Variants in C17orf78 observed in about 807,000 individuals in gnomAD.
The protein encoded by C17orf78 is chromosome 17 open reading frame 78.
A neutral mutation model predicts 31.8 loss-of-function variants in C17orf78; 27 were observed. The observed-to-expected ratio is 0.85, with a 90% CI of 0.63 to 1.17. The LOEUF (loss-of-function observed/expected upper bound fraction) is 1.17, where lower values mean the gene tolerates loss of function less well. C17orf78 is among the 50% of genes most tolerant of loss of function. C17orf78 has a pLI of 0.00. For missense variants in C17orf78, 258 were observed against 315.2 expected, an observed-to-expected ratio of 0.82 and a Z score of 1.37; for synonymous variants, 106 against 115.1, an observed-to-expected ratio of 0.92 and a Z score of 0.51.
At chr17:37,388,819 C>G (rs2050665567) in intron 5 of C17orf78, 25 bp downstream of exon 5, 4 of 1,611,268 alleles carry the variant, frequency 2.5e-6, no homozygotes, top group Middle Eastern at 1.7e-4. Context: ...GTATTGAATC[C>G]TTGAACTTGA....
chr17:37,381,893 C>A (rs897214054), intron 3 of C17orf78, among the ~76,000 whole-genome samples: 2 of 152,138 alleles, frequency 1.3e-5, no homozygotes, highest in East Asian at 3.9e-4. Context: ...TCCCAAAGTG[C>A]TGGGATTACA....
chr17:37,376,437 G>C (rs1195126739), intron 1 of C17orf78, among the ~76,000 whole-genome samples: 1 of 152,128 alleles, frequency 6.6e-6, no homozygotes, highest in African/African-American at 2.4e-5. Flanking sequence ...GCTTTCTTTA[G>C]AGTTTCAGTA....
intron 4 of C17orf78, among the ~76,000 whole-genome samples, chr17:37,386,452 C>A (rs1470465207): frequency 6.6e-6 from 1 of 151,986 alleles, no homozygotes; most frequent in African/African-American, 2.4e-5. Flanking sequence ...ATTAGCCGGA[C>A]GTGGTGGCAG....
intron 6 of C17orf78, among the ~76,000 whole-genome samples, chr17:37,389,722 T>A (rs186216882): frequency 6.7e-6 from 1 of 149,892 alleles, no homozygotes; most frequent in East Asian, 2.0e-4. Context: ...AAACAGAAAA[T>A]GGGGTTAATA....
In C17orf78 at chr17:37,379,153, CA is replaced by C; in HGVS notation, c.166del (p.Arg56GlyfsTer10). ...LQMQETHTETKRTTFIQNRTI... is the reference protein window; with the variant it reads ...LQMQETHTETXRTTFIQNRTI... The stretch of plus-strand genomic sequence containing the variant: ...TCCTTCCAGAAACTCACACAGAAAC[CA>C]AAAGGACAACATTCATTCAAAACCG... On this transcript the variant is annotated frameshift_variant, in exon 3 of 7. Transcript: ENST00000615133. LOFTEE classifies it high-confidence loss of function. 1.2e-6 allele frequency: 2 copies of C among 1,613,306 alleles called. No individual in the cohort carries two copies. The highest frequency in any genetic ancestry group is 1.7e-6 in the Non-Finnish European group (2 of 1,179,634).
chr17:37,380,890 C>T (rs1250982052), intron 3 of C17orf78, among the ~76,000 whole-genome samples: 1 of 150,044 alleles, frequency 6.7e-6, no homozygotes, highest in Non-Finnish European at 1.5e-5. Context: ...GCCACCGTGC[C>T]TGGCCAGGTT....
Position 37,385,626 on chromosome 17 carries a change from CTG to C in C17orf78, c.392-380_392-379del, listed in dbSNP as rs1307694009. Among the ~76,000 whole-genome samples the C allele has an allele frequency of 3.9e-5, 6 of 152,140 alleles. No homozygotes were observed. The East Asian group carries it at 1.2e-3, about 29-fold the overall frequency. ...CACTTGCAGCAGTCATTAAGGCTAA[CTG>C]TGATATTTCATGTTCTTCCTTGGAC... On this transcript the variant is annotated intron_variant, in intron 3 of 6. Transcript: ENST00000615133.
chr17:37,381,658 C>T (rs1333324447), intron 3 of C17orf78, among the ~76,000 whole-genome samples: 9 of 135,686 alleles, frequency 6.6e-5, no homozygotes, highest in East Asian at 4.3e-4. Flanking sequence ...GACAGAGTCT[C>T]GCTCCGTTGC....
At chr17:37,376,229 T>C in intron 1 of C17orf78, 79 bp downstream of exon 1, 1 of 1,205,416 alleles carries the variant, frequency 8.3e-7, no homozygotes. Flanking sequence ...TTCCACCAGA[T>C]AGAGATGTAG....
rs746238628 is a variant in C17orf78, at chr17:37,389,252, T to C, written c.640T>C (p.Cys214Arg). 5.0e-6 allele frequency: 8 copies of C among 1,585,116 alleles called. No individual in the cohort carries two copies. Among genetic ancestry groups the C allele is most frequent in the Non-Finnish European group, 6.9e-6 (8 of 1,165,710 alleles). Residue 214 changes from cysteine (C) to arginine (R), a missense_variant, in exon 6 of 7, where the codon TGC becomes CGC. Physicochemically the swap from Cys to Arg is radical, Grantham distance 180. Transcript: ENST00000615133. ...VIFEVPCPYQ[C>R]LGARKLCQCQ... ...AGTCATTTTCTCCCTTCAGTATCAATGCCTAGGAGCCAGGAAGCTGTGCCA... is the reference window on the plus strand; with the variant it reads ...AGTCATTTTCTCCCTTCAGTATCAACGCCTAGGAGCCAGGAAGCTGTGCCA...
At chr17:37,382,020 G>A (rs978640117) in intron 3 of C17orf78, among the ~76,000 whole-genome samples, 12 of 152,058 alleles carry the variant, frequency 7.9e-5, no homozygotes, top group African/African-American at 1.7e-4. Flanking sequence ...AACAATGACC[G>A]TATATATTCT....
intron 3 of C17orf78, 65 bp from the exon 4 acceptor site, chr17:37,385,944 A>G (rs2050506913): frequency 9.2e-7 from 1 of 1,088,060 alleles, no homozygotes; most frequent in East Asian, 2.6e-5. Flanking sequence ...GGGTTTCATC[A>G]GATAAAACCA....
At chr17:37,380,264 G>A (rs1568078772) in intron 3 of C17orf78, among the ~76,000 whole-genome samples, 1 of 136,046 alleles carries the variant, frequency 7.4e-6, no homozygotes, top group African/African-American at 2.8e-5. Flanking sequence ...ATCAGACTCT[G>A]GGGACTGTTG....
chr17:37,390,140 G>GTA (rs1243535532), intron 6 of C17orf78, among the ~76,000 whole-genome samples: 895 of 34,564 alleles, frequency 0.026, 32 homozygotes, highest in African/African-American at 0.033. Context: ...AAAAAAAAAA[G>GTA]TATATATATA....
chr17:37,379,242 T>G lies in C17orf78; in HGVS notation c.251T>G (p.Leu84Trp), dbSNP rs1360619709. The G allele has an allele frequency of 6.2e-7, 1 of 1,613,900 alleles. No homozygotes were observed. The highest frequency in any genetic ancestry group is 1.3e-5 in the African/African-American group (1 of 74,926). ...DSKVKVNLVY[L>W]ERRPKVKHIL... is the part of the protein sequence containing the mutation. ...AAAGTAAAAGTCAACCTTGTATATT[T>G]GGAGAGAAGGCCAAAGGTCAAGCAT... The change falls in exon 3 of 7, where the codon TTG becomes TGG. Residue 84 changes from leucine to tryptophan, a missense_variant. Transcript: ENST00000615133.
chr17:37,384,672 G>T (rs2050450300), intron 3 of C17orf78, among the ~76,000 whole-genome samples: 1 of 152,004 alleles, frequency 6.6e-6, no homozygotes, highest in Non-Finnish European at 1.5e-5. Context: ...GAACTGACTA[G>T]CACTATGATG....
In C17orf78 at chr17:37,379,429, C is replaced by G. The variant is rs769548047; in HGVS notation, c.391+47C>G. 12 of 1,584,666 alleles carry G rather than the reference C, an allele frequency of 7.6e-6. No individual in the cohort carries two copies. In the South Asian group the frequency reaches 1.3e-4, roughly 17 times the overall value. On this transcript the variant is annotated intron_variant, in intron 3 of 6. Coordinates refer to ENST00000615133, the MANE Select transcript of C17orf78 (RefSeq NM_173625.5). ...GGGGCAGGCACTAACTTTTAGTTGA[C>G]ATCCTTGAAGGCAGCCAGAACTCCG...
rs545073498 is a variant in C17orf78 at position 37,379,365 on chromosome 17, C to T, written c.374C>T (p.Ser125Phe). Residue 125 changes from serine (S) to phenylalanine (F), a missense_variant, in exon 3 of 7, where the codon TCT becomes TTT. Transcript: ENST00000615133. ...CCCACATCCAAGTTTCAGACTGGAT[C>T]TCTTCTAAAAGGCAAAGGTGAGATT... The part of the protein sequence containing the change: ...LIPTSKFQTG[S>F]LLKGKAFLPG... The T allele has an allele frequency of 6.2e-7, 1 of 1,613,910 alleles. No individual in the cohort carries two copies. Among genetic ancestry groups the T allele is most frequent in the African/African-American group, 1.3e-5 (1 of 75,040 alleles).
chr17:37,381,877 T>C (rs1042707547), intron 3 of C17orf78, among the ~76,000 whole-genome samples: 1 of 152,142 alleles, frequency 6.6e-6, no homozygotes, highest in Admixed American at 6.6e-5. Flanking sequence ...TCTGCCCGCC[T>C]TGGCCTCCCA....
Sources: allele counts gnomAD v4.1 joint callset (sites outside exome capture counted in the v4.1 genomes callset), GRCh38; gene constraint gnomAD v4.1.1; transcripts MANE v1.5; gene names NCBI Gene and HGNC (gene_info 2026-07-23, HGNC 2026-07-21).